The following MNS1 variants were observed in gnomAD, a reference collection of about 807,000 sequenced individuals.
MNS1 encodes the protein meiosis-specific nuclear structural protein 1.
A neutral mutation model predicts 72.0 loss-of-function variants in MNS1; 63 were observed. The ratio of observed to expected loss-of-function variants is 0.87; its 90% CI spans 0.71 to 1.08. The LOEUF (loss-of-function observed/expected upper bound fraction) is 1.08, where lower values mean the gene tolerates loss of function less well. Ranked by LOEUF, MNS1 falls within the 50% of genes least tolerant of loss-of-function variation. The pLI is 0.00. For missense variants in MNS1, 604 were observed against 562.4 expected (o/e 1.07, Z -0.75); for synonymous variants, 188 against 172.1 (o/e 1.09, Z -0.72).
At chr15:56,445,827 C>T (rs998535098) in intron 4 of MNS1, 34 of 151,938 alleles carry the variant, frequency 2.2e-4, no homozygotes, top group African/African-American at 6.8e-4. Context: ...CTACAACTAC[C>T]TTGAATAACT....
intron 7 of MNS1, among the ~76,000 whole-genome samples, chr15:56,440,378 T>A (rs931557418): frequency 6.6e-6 from 1 of 152,230 alleles, no homozygotes; most frequent in Admixed American, 6.5e-5. Flanking sequence ...GAATGTTAAA[T>A]GCTACAGCTG....
intron 7 of MNS1, among the ~76,000 whole-genome samples, chr15:56,435,893 C>A (rs557050783): frequency 2.0e-4 from 30 of 152,060 alleles, no homozygotes; most frequent in South Asian, 6.2e-4. Context: ...ATGCACAAAT[C>A]CTTAACCCAA....
intron 7 of MNS1, among the ~76,000 whole-genome samples, chr15:56,443,009 G>A (rs2050845469): frequency 6.6e-6 from 1 of 151,946 alleles, no homozygotes; most frequent in African/African-American, 2.4e-5. Flanking sequence ...TTATTATTTA[G>A]GTTCACACGC....
At position 56,438,762 on chromosome 15, in the gene MNS1, AT is replaced by A. The variant is rs1249301793; in HGVS notation, c.1012-4368del. ...TCTACCCATCTGACCAAGGGGTAAT[AT>A]CCAGAATCTAAAAAGAACTCAAATT... On this transcript the variant is annotated intron_variant, in intron 7 of 9. Coordinates refer to ENST00000260453, the MANE Select transcript of MNS1 (RefSeq NM_018365.4). 3.2e-4 allele frequency among the ~76,000 whole-genome samples: 48 copies of A among 152,328 alleles called. No individual in the cohort carries two copies. The Middle Eastern group carries it at 0.01, about 32-fold the overall frequency.
chr15:56,442,105 A>T (rs1199955252), intron 7 of MNS1, among the ~76,000 whole-genome samples: 6 of 152,140 alleles, frequency 3.9e-5, no homozygotes, highest in African/African-American at 1.4e-4. Flanking sequence ...AAAATGATAT[A>T]TATGTAGCCA....
chr15:56,458,402 T>C (rs1220155804), intron 2 of MNS1, among the ~76,000 whole-genome samples: 1 of 152,196 alleles, frequency 6.6e-6, no homozygotes, highest in African/African-American at 2.4e-5. Context: ...ATCAGCCTCC[T>C]CCATTAGACT....
In MNS1 at chr15:56,464,230, A is replaced by T. The variant is rs2051043210; in HGVS notation, c.21T>A (p.Asn7Lys). MGSKRR[N>K]LSCSERHQKL... is the part of the protein sequence containing the mutation. ...TCTGATGCCTTTCACTACAGCTCAA[A>T]TTTCTCCTTTTGGAACCCTACGATG... Residue 7 changes from asparagine (N) to lysine (K), a missense_variant, in exon 2 of 10, where the codon AAT (asparagine) becomes AAA (lysine). Coordinates refer to ENST00000260453, the MANE Select transcript of MNS1 (RefSeq NM_018365.4). 3 of 1,608,306 alleles carry T rather than the reference A, an allele frequency of 1.9e-6. No individual in the cohort carries two copies. Among genetic ancestry groups the T allele is most frequent in the Non-Finnish European group, 1.7e-6 (2 of 1,178,382 alleles).
intron 2 of MNS1, 160 bp downstream of exon 2, chr15:56,463,866 A>G (rs2051039489): frequency 3.2e-6 from 2 of 619,478 alleles, no homozygotes; most frequent in Non-Finnish European, 5.5e-6. Context: ...GGCCGGCTCC[A>G]GAAACCCAGG....
chr15:56,444,117 C>T (rs2050866678), intron 5 of MNS1, among the ~76,000 whole-genome samples: 1 of 151,964 alleles, frequency 6.6e-6, no homozygotes, highest in Non-Finnish European at 1.5e-5. Context: ...TTAACATTAG[C>T]TTTGCAGCAC....
At chr15:56,448,362 T>A (rs1394283958) in intron 3 of MNS1, among the ~76,000 whole-genome samples, 1 of 152,168 alleles carries the variant, frequency 6.6e-6, no homozygotes, top group Admixed American at 6.5e-5. Flanking sequence ...GAGCACAGAA[T>A]CAAATGGGTT....
Position 56,443,461 on chromosome 15 carries a change from T to C in MNS1, c.980A>G (p.Glu327Gly). Residue 327 changes from glutamate (E) to glycine (G), a missense_variant, in exon 7 of 10, where the codon GAA becomes GGA. Glu to Gly is a moderately conservative substitution (Grantham distance 98). Transcript: ENST00000260453. ...EQVRQELYQE[E>G]QAEIYKSKLK... Reference sequence around the variant, plus strand: ...CTTGCTCTTATATATTTCAGCTTGTTCTTCCTGGTATAATTCTTGTCGCAC... The same window carrying C: ...CTTGCTCTTATATATTTCAGCTTGTCCTTCCTGGTATAATTCTTGTCGCAC... 1 of 1,592,768 alleles carries C rather than the reference T, an allele frequency of 6.3e-7. No homozygotes were observed. Among genetic ancestry groups the C allele is most frequent in the Non-Finnish European group, 8.5e-7 (1 of 1,174,122 alleles).
chr15:56,461,816 TC>T (rs1172937301), intron 2 of MNS1, among the ~76,000 whole-genome samples: 8 of 151,416 alleles, frequency 5.3e-5, no homozygotes, highest in African/African-American at 1.9e-4. Flanking sequence ...AGAGACAAAG[TC>T]AAAAACTAAA....
chr15:56,460,455 G>C (rs2051013311), intron 2 of MNS1, among the ~76,000 whole-genome samples: 1 of 152,092 alleles, frequency 6.6e-6, no homozygotes, highest in South Asian at 2.1e-4. Flanking sequence ...TCCTCAAGTA[G>C]CAAAAACACA....
rs540727506 is a variant in MNS1 at position 56,459,881 on chromosome 15, T to G, written c.226-3360A>C. Among the ~76,000 whole-genome samples, 5 of 149,438 alleles carry G rather than the reference T, an allele frequency of 3.3e-5. No homozygotes were observed. In the South Asian group the frequency reaches 1.1e-3, roughly 32 times the overall value. On this transcript the variant is annotated intron_variant, in intron 2 of 9. Transcript: ENST00000260453. Reference sequence around the variant, plus strand: ...GGTGCATGCCTATAATCCCAGCTACTTGGAAGGCCTCGGCAGGAGAATCAC... The same window carrying G: ...GGTGCATGCCTATAATCCCAGCTACGTGGAAGGCCTCGGCAGGAGAATCAC...
rs1381152797 is a variant in MNS1 at position 56,453,178 on chromosome 15, AT to A, written c.353+3215del. 2.0e-5 allele frequency among the ~76,000 whole-genome samples: 3 copies of A among 152,196 alleles called. No homozygotes were observed. The South Asian group carries it at 6.2e-4, about 32-fold the overall frequency. On this transcript the variant is annotated intron_variant, in intron 3 of 9. Coordinates refer to ENST00000260453, the MANE Select transcript of MNS1 (RefSeq NM_018365.4). ...TTTACTTCCTATCTCATTTTGTCAT[AT>A]TTTTAACTCTTTACATATTTTAATT... is the stretch of plus-strand genomic sequence containing the variant.
chr15:56,438,200 A>G (rs1309713867), intron 7 of MNS1, among the ~76,000 whole-genome samples: 1 of 152,200 alleles, frequency 6.6e-6, no homozygotes, highest in Non-Finnish European at 1.5e-5. Context: ...GCATCATGCT[A>G]CCTGAATTCA....
intron 3 of MNS1, among the ~76,000 whole-genome samples, chr15:56,450,372 A>T (rs1006860933): frequency 6.6e-6 from 1 of 152,072 alleles, no homozygotes; most frequent in African/African-American, 2.4e-5. Context: ...AAACTTTTTC[A>T]TTCCCCCCAA....
intron 3 of MNS1, 80 bp downstream of exon 3, chr15:56,456,314 T>C: frequency 7.5e-7 from 1 of 1,330,608 alleles, no homozygotes; most frequent in Non-Finnish European, 1.0e-6. Flanking sequence ...AACAAAGAAA[T>C]TTCACTTTCA....
intron 3 of MNS1, among the ~76,000 whole-genome samples, chr15:56,453,488 G>C (rs1384760885): frequency 2.0e-5 from 3 of 152,084 alleles, no homozygotes; most frequent in African/African-American, 7.2e-5. Context: ...GTATAAGCTA[G>C]GTAATGGTAA....
Sources: allele counts gnomAD v4.1 joint callset (sites outside exome capture counted in the v4.1 genomes callset), GRCh38; gene constraint gnomAD v4.1.1; transcripts MANE v1.5; gene names NCBI Gene and HGNC (gene_info 2026-07-23, HGNC 2026-07-21).